Variants in MGAM observed in about 807,000 individuals in gnomAD.
MGAM encodes the protein maltase-glucoamylase, also known as alpha-1,4-glucosidase.
MGAM carries 253 observed loss-of-function variants against 358.8 expected under a neutral mutation model. The ratio of observed to expected loss-of-function variants is 0.71; its 90% CI spans 0.64 to 0.78. The LOEUF (loss-of-function observed/expected upper bound fraction) is 0.78. Among genes scored for constraint, MGAM ranks in the 30% least tolerant of loss-of-function variants. The pLI, the probability that MGAM is intolerant of heterozygous loss-of-function variation, is 0.00. For synonymous variants in MGAM, 1,105 were observed against 1,227.1 expected (o/e 0.90, Z 2.08); for missense variants, 3,080 against 3,432.6 (o/e 0.90, Z 2.57).
intron 57 of MGAM, among the ~76,000 whole-genome samples, chr7:142,091,170 C>G (rs1198767469): frequency 7.0e-6 from 1 of 143,062 alleles, no homozygotes. Flanking sequence ...TCGCGAGAAC[C>G]TGGAAGGCAG....
chr7:142,082,505 T>C lies in MGAM; in HGVS notation c.6202T>C (p.Tyr2068His), dbSNP rs1306400868. The change falls in exon 52 of 71, where the codon TAC becomes CAC. Residue 2068 changes from tyrosine (Y) to histidine (H), a missense_variant. Physicochemically the swap from Tyr to His is moderately conservative, Grantham distance 83 (BLOSUM62 2). This residue lies in a region of MGAM where 932 missense variants were observed against 1,198.2 expected (regional missense o/e 0.78). Transcript: ENST00000475668. ...GAAGAATTCCTATGGTGTCCACCCC[T>C]ACTACATGGGGCTAGAGGAGGATGG... Reference protein sequence around the residue: ...YKKNSYGVHPYYMGLEEDGSA... With the variant: ...YKKNSYGVHPHYMGLEEDGSA... The C allele has an allele frequency of 6.5e-7, 1 of 1,535,298 alleles. No homozygotes were observed.
intron 16 of MGAM, 88 bp from the exon 17 acceptor site, chr7:142,036,081 A>G (rs1807963864): frequency 1.0e-6 from 1 of 984,974 alleles, no homozygotes; most frequent in African/African-American, 1.6e-5. Context: ...AGGTTTAAGC[A>G]AGGTTCAGTT....
chr7:142,041,937 AT>A lies in MGAM; in HGVS notation c.2498+1093del, dbSNP rs1178151933. Among the ~76,000 whole-genome samples the A allele has an allele frequency of 4.9e-4, 30 of 60,634 alleles. 2 individuals carry two copies. The highest frequency in any genetic ancestry group is 2.3e-3 in the African/African-American group (22 of 9,394). 39.8% of individuals were successfully genotyped at this position (60,634 alleles called of 152,430 possible). A position where few individuals can be genotyped will look rare whatever the true frequency, so the allele number is the denominator to read the frequency against. On this transcript the variant is annotated intron_variant, in intron 21 of 70. Coordinates refer to ENST00000475668, the MANE Select transcript of MGAM (RefSeq NM_001365693.1). ...TATACGTATAATATATAATATATAT[AT>A]TATATATATACATATATATAATATA...
intron 1 of MGAM, among the ~76,000 whole-genome samples, chr7:141,998,285 A>ATG (rs1222246185): frequency 6.6e-6 from 1 of 152,198 alleles, no homozygotes; most frequent in Non-Finnish European, 1.5e-5. Flanking sequence ...CATGTGCAGA[A>ATG]TGTGCAGGTT....
intron 4 of MGAM, 61 bp from the exon 5 acceptor site, chr7:142,020,913 T>C (rs1554458446): frequency 2.0e-5 from 23 of 1,156,810 alleles, no homozygotes; most frequent in Non-Finnish European, 2.9e-5. Context: ...AATTTTTATG[T>C]AGCTATTATT....
At chr7:142,060,014 CACT>C in intron 33 of MGAM, 48 bp downstream of exon 33, 4 of 629,350 alleles carry the variant, frequency 6.4e-6, no homozygotes, top group Non-Finnish European at 7.2e-6. Context: ...GAGGGTGGGT[CACT>C]GTTGGTGGGT....
In MGAM at chr7:142,055,583, A is replaced by AAG. The variant is rs1240885764; in HGVS notation, c.3340_3341insAG (p.Thr1114LysfsTer76). On this transcript the variant is annotated frameshift_variant, in exon 28 of 71. Transcript: ENST00000475668. LOFTEE classifies it high-confidence loss of function. ...TTGGGACTCTCAGCTCCTTGGCTTT[A>AAG]CCTTCAGTGACATGTTTATCCGCAT... 1 of 1,613,710 alleles carries AAG rather than the reference A, an allele frequency of 6.2e-7. No individual in the cohort carries two copies. Among genetic ancestry groups the AAG allele is most frequent in the African/African-American group, 1.3e-5 (1 of 74,848 alleles).
intron 28 of MGAM, 97 bp downstream of exon 28, chr7:142,055,823 C>A: frequency 6.4e-7 from 1 of 1,567,884 alleles, no homozygotes; most frequent in Non-Finnish European, 8.6e-7. Context: ...TTGGTCATCA[C>A]ATTCTGCTTT....
chr7:142,035,265 C>T (rs551090039), intron 16 of MGAM, among the ~76,000 whole-genome samples: 2 of 152,126 alleles, frequency 1.3e-5, no homozygotes, highest in East Asian at 3.9e-4. Flanking sequence ...CTAGAGTGTT[C>T]AAGGTCTTGA....
At chr7:142,012,790 A>T (rs1805691356) in intron 3 of MGAM, among the ~76,000 whole-genome samples, 1 of 152,050 alleles carries the variant, frequency 6.6e-6, no homozygotes, top group South Asian at 2.1e-4. Context: ...AGATGACTTT[A>T]CTCACATACC....
In MGAM at chr7:142,040,808, C is replaced by G. The variant is rs1184969263; in HGVS notation, c.2460C>G (p.Ile820Met). The change falls in exon 21 of 71, where the codon ATC becomes ATG. Residue 820 changes from isoleucine to methionine, a missense_variant. Transcript: ENST00000475668. ...KIGLHLRGGYIFPTQQPNTTT... is the reference protein window; with the variant it reads ...KIGLHLRGGYMFPTQQPNTTT... ...GACTTCACCTTCGAGGAGGCTACAT[C>G]TTCCCCACACAGCAGCCAAATACAA... 6.2e-7 allele frequency: 1 copy of G among 1,612,992 alleles called. No individual in the cohort carries two copies. The highest frequency in any genetic ancestry group is 8.5e-7 in the Non-Finnish European group (1 of 1,179,350).
chr7:142,096,222 C>G, intron 64 of MGAM, 109 bp from the exon 65 acceptor site: 1 of 1,119,630 alleles, frequency 8.9e-7, no homozygotes, highest in East Asian at 2.5e-5. Flanking sequence ...GCAAGGATGG[C>G]TCAGGGGCAG....
chr7:142,045,310 A>T (rs765555113), intron 21 of MGAM, among the ~76,000 whole-genome samples: 28 of 58,228 alleles, frequency 4.8e-4, no homozygotes, highest in Admixed American at 4.0e-3. Flanking sequence ...TATTATATGT[A>T]CCTATAATAT....
chr7:142,032,800 A>G, intron 13 of MGAM, 25 bp from the exon 14 acceptor site: 1 of 1,485,570 alleles, frequency 6.7e-7, no homozygotes, highest in Non-Finnish European at 9.3e-7. Flanking sequence ...CTTTTTCTTA[A>G]TAGTTTTTGC....
At chr7:142,036,322 G>T in intron 17 of MGAM, 37 bp downstream of exon 17, 1 of 1,482,774 alleles carries the variant, frequency 6.7e-7, no homozygotes, top group Non-Finnish European at 9.3e-7. Flanking sequence ...AATAAATTTG[G>T]CATACATTAG....
rs202179894 is a variant in MGAM at position 142,056,905 on chromosome 7, G to A, written c.3656G>A (p.Gly1219Glu). The A allele has an allele frequency of 1.5e-4, 240 of 1,613,672 alleles. No homozygotes were observed. The highest frequency in any genetic ancestry group is 4.9e-4 in the Middle Eastern group (3 of 6,082). Reference sequence around the variant, plus strand: ...GTTCTGGACTTTTATGTGTTCTTGGGGCCGACTCCAGAGCTTGTCACCCAG... The same window carrying A: ...GTTCTGGACTTTTATGTGTTCTTGGAGCCGACTCCAGAGCTTGTCACCCAG... ...GGVLDFYVFL[G>E]PTPELVTQQY... is the part of the protein sequence containing the mutation. Residue 1219 changes from glycine to glutamate, a missense_variant, in exon 30 of 71, where the codon GGG becomes GAG. Gly to Glu is a moderately conservative substitution (Grantham distance 98). Around this residue, in one of 5 missense-constraint regions of MGAM, gnomAD observed 1,816 missense variants for 1,840.5 expected, o/e 0.99. Transcript: ENST00000475668.
intron 3 of MGAM, among the ~76,000 whole-genome samples, chr7:142,013,565 A>G (rs1805761841): frequency 6.6e-6 from 1 of 152,184 alleles, no homozygotes; most frequent in South Asian, 2.1e-4. Flanking sequence ...CATATTGTGG[A>G]AAGACATAGG....
At chr7:142,098,243 A>G (rs1816124392) in intron 66 of MGAM, among the ~76,000 whole-genome samples, 1 of 152,006 alleles carries the variant, frequency 6.6e-6, no homozygotes. Flanking sequence ...CTTGCCGCAT[A>G]GTTTCTGTGC....
At chr7:142,080,988 G>A (rs770092894) in intron 50 of MGAM, 43 bp downstream of exon 50, 7 of 1,466,260 alleles carry the variant, frequency 4.8e-6, no homozygotes, top group East Asian at 2.4e-5. Flanking sequence ...GGCTACCTGC[G>A]CCTTCGCTGC....
Sources: gnomAD v4.1 joint callset for allele counts (sites outside exome capture counted in the v4.1 genomes callset) on GRCh38, gnomAD v4.1.1 for gene constraint, gnomAD v4.1.1 regional missense constraint, MANE v1.5 for transcripts, NCBI Gene and HGNC (gene_info 2026-07-23, HGNC 2026-07-21) for gene names.